The following ERCC6 variants were observed in gnomAD, a reference collection of about 807,000 sequenced individuals.
The protein encoded by ERCC6 is ERCC excision repair 6, chromatin remodeling factor.
ERCC6 carries 116 observed loss-of-function variants against 158.7 expected under a neutral mutation model. The ratio of observed to expected loss-of-function variants is 0.73; its 90% confidence interval spans 0.63 to 0.85. The LOEUF is 0.85. Ranked by LOEUF, ERCC6 falls within the 40% of genes least tolerant of loss-of-function variation. The probability of loss-of-function intolerance (pLI) is 0.00; values close to 1 mark genes in which losing one functional copy is unlikely to be tolerated. For synonymous variants in ERCC6, 678 were observed against 659.3 expected, an observed-to-expected ratio of 1.03 and a Z score of -0.43; for missense variants, 1,698 against 1,799.4, an observed-to-expected ratio of 0.94 and a Z score of 1.02.
chr10:49,505,808 T>C, intron 6 of ERCC6, 76 bp downstream of exon 6: 3 of 1,580,338 alleles, frequency 1.9e-6, no homozygotes, highest in Non-Finnish European at 2.6e-6. Context: ...AGGTAACTAC[T>C]ATGTAATTCC....
At chr10:49,435,981 G>A in the ERCC6 span, among the ~76,000 whole-genome samples, 34 of 147,600 alleles carry the variant, frequency 2.3e-4, 1 homozygote, top group African/African-American at 6.5e-4. Flanking sequence ...CAGCCTGGGC[G>A]ACAGAATCAG....
At chr10:49,536,606 C>G (rs1837604863) in intron 1 of ERCC6, among the ~76,000 whole-genome samples, 1 of 152,110 alleles carries the variant, frequency 6.6e-6, no homozygotes, top group South Asian at 2.1e-4. Context: ...GACTAAGAGT[C>G]TGGAATAAAT....
chr10:49,518,708 A>G (rs542704560), intron 5 of ERCC6, among the ~76,000 whole-genome samples: 1 of 152,270 alleles, frequency 6.6e-6, no homozygotes, highest in East Asian at 1.9e-4. Flanking sequence ...TCCTCAGAAC[A>G]GTGGATGTGC....
At position 49,470,507 on chromosome 10, in the gene ERCC6, T is replaced by G; in HGVS notation, c.3453A>C (p.Leu1151Phe). The G allele has an allele frequency of 6.2e-7, 1 of 1,614,222 alleles. No homozygotes were observed. Among genetic ancestry groups the G allele is most frequent in the Non-Finnish European group, 8.5e-7 (1 of 1,180,024 alleles). ...GTCTTTCTCTTTTGTAAGAAAGACCTAACTTTTCATCAATGCTTTCATCAC... is the reference window on the plus strand; with the variant it reads ...GTCTTTCTCTTTTGTAAGAAAGACCGAACTTTTCATCAATGCTTTCATCAC... ...PSGDESIDEK[L>F]GLSYKRERPS... Residue 1151 changes from leucine (L) to phenylalanine (F), a missense_variant, in exon 18 of 21, where the codon TTA (leucine) becomes TTC (phenylalanine). Leu to Phe is a conservative substitution (Grantham distance 22). Transcript: ENST00000355832.
chr10:49,480,252 C>T (rs1423326791), intron 10 of ERCC6, among the ~76,000 whole-genome samples: 1 of 152,150 alleles, frequency 6.6e-6, no homozygotes, highest in Non-Finnish European at 1.5e-5. Context: ...TAAGCTCTGA[C>T]ACTGGGCATC....
the ERCC6 span, among the ~76,000 whole-genome samples, chr10:49,445,763 G>C: frequency 6.6e-6 from 1 of 152,266 alleles, no homozygotes; most frequent in Non-Finnish European, 1.5e-5. Flanking sequence ...TAAATAGAGT[G>C]GTCCATATTC....
In ERCC6 at chr10:49,460,441, CA is replaced by C; in HGVS notation, c.3993del (p.Phe1331LeufsTer28). The C allele has an allele frequency of 6.2e-7, 1 of 1,611,154 alleles. No homozygotes were observed. The highest frequency in any genetic ancestry group is 8.5e-7 in the Non-Finnish European group (1 of 1,177,396). On this transcript the variant is annotated frameshift_variant, in exon 20 of 21. Transcript: ENST00000355832. LOFTEE classifies it high-confidence loss of function. ...GAGAAGTTAGAATTCCTTTTCTTAC[CA>C]AATCTACTCCTAAAAAAGGAAAAGC... ...SGAPAGKKSR[F>X]GKKRNSNFSV...
chr10:49,515,621 A>C, intron 5 of ERCC6: 1 of 1,614,126 alleles, frequency 6.2e-7, no homozygotes, highest in South Asian at 1.1e-5. Flanking sequence ...GCAATTGCCA[A>C]GCATTTTGTA....
chr10:49,465,443 C>G (rs1266208802), intron 18 of ERCC6, among the ~76,000 whole-genome samples: 1 of 152,124 alleles, frequency 6.6e-6, no homozygotes, highest in Non-Finnish European at 1.5e-5. Context: ...TGAGTTAATG[C>G]TGAAATGAGT....
intron 5 of ERCC6, among the ~76,000 whole-genome samples, chr10:49,507,908 T>C (rs1420807336): frequency 6.7e-6 from 1 of 149,732 alleles, no homozygotes; most frequent in Non-Finnish European, 1.5e-5. Flanking sequence ...TATCAAAACT[T>C]AGAAACTGAA....
At chr10:49,441,189 A>G in the ERCC6 span, among the ~76,000 whole-genome samples, 1 of 152,244 alleles carries the variant, frequency 6.6e-6, no homozygotes, top group Non-Finnish European at 1.5e-5. Flanking sequence ...CTTTTGAATA[A>G]AAAGACATTT....
chr10:49,516,606 C>A (rs1180830625), intron 5 of ERCC6: 4 of 1,614,130 alleles, frequency 2.5e-6, no homozygotes, highest in Non-Finnish European at 2.5e-6. Flanking sequence ...AAGATGTACA[C>A]CTTTACTGCA....
At chr10:49,479,406 A>G (rs2132548060) in intron 10 of ERCC6, among the ~76,000 whole-genome samples, 1 of 152,318 alleles carries the variant, frequency 6.6e-6, no homozygotes, top group South Asian at 2.1e-4. Flanking sequence ...ACATATATGT[A>G]TGTGTGTGTA....
intron 5 of ERCC6, among the ~76,000 whole-genome samples, chr10:49,512,357 T>G (rs1836835924): frequency 6.6e-6 from 1 of 152,198 alleles, no homozygotes; most frequent in African/African-American, 2.4e-5. Context: ...ACTGCAATCC[T>G]GACCTACCTA....
intron 18 of ERCC6, among the ~76,000 whole-genome samples, chr10:49,463,714 T>C (rs1434957172): frequency 6.6e-6 from 1 of 152,122 alleles, no homozygotes; most frequent in African/African-American, 2.4e-5. Context: ...TTTCCTACAC[T>C]GTTCTCATGA....
chr10:49,528,289 T>C (rs1014438983), intron 4 of ERCC6, 128 bp downstream of exon 4: 25 of 1,124,602 alleles, frequency 2.2e-5, no homozygotes, highest in Non-Finnish European at 3.3e-5. Flanking sequence ...CTAAATCTGT[T>C]TTGACACTAA....
At chr10:49,536,131 G>A (rs1837592771) in intron 1 of ERCC6, among the ~76,000 whole-genome samples, 1 of 152,046 alleles carries the variant, frequency 6.6e-6, no homozygotes, top group Admixed American at 6.6e-5. Flanking sequence ...AAATAAAAAA[G>A]TTTCAGTGGA....
At chr10:49,516,891 G>A in intron 5 of ERCC6, 1 of 1,614,166 alleles carries the variant, frequency 6.2e-7, no homozygotes, top group Non-Finnish European at 8.5e-7. Flanking sequence ...GGGATCATCT[G>A]AGTCAGACTC....
intron 8 of ERCC6, among the ~76,000 whole-genome samples, chr10:49,491,103 G>A (rs1285422503): frequency 6.6e-6 from 1 of 152,198 alleles, no homozygotes; most frequent in Non-Finnish European, 1.5e-5. Flanking sequence ...TTCAGTAGTT[G>A]AATCCAGAAA....
Sources: gnomAD v4.1 joint callset for allele counts (sites outside exome capture counted in the v4.1 genomes callset) on GRCh38, gnomAD v4.1.1 for gene constraint, MANE v1.5 for transcripts, NCBI Gene and HGNC (gene_info 2026-07-23, HGNC 2026-07-21) for gene names.